Variants in LRRFIP2 observed in about 807,000 individuals in gnomAD.
LRRFIP2 encodes LRR binding FLII interacting protein 2, also known as leucine-rich repeat flightless-interacting protein 2.
Under a neutral mutation model 125.9 loss-of-function variants are expected in LRRFIP2, and 109 were observed. The ratio of observed to expected loss-of-function variants is 0.87; its 90% confidence interval spans 0.74 to 1.01. The LOEUF (loss-of-function observed/expected upper bound fraction) is 1.01, where lower values mean the gene tolerates loss of function less well. Ranked by LOEUF, LRRFIP2 falls within the 50% of genes least tolerant of loss-of-function variation. The probability of loss-of-function intolerance (pLI) is 0.00; values close to 1 mark genes in which losing one functional copy is unlikely to be tolerated. For synonymous variants in LRRFIP2, 291 were observed against 293.1 expected, an observed-to-expected ratio of 0.99 and a Z score of 0.07; for missense variants, 850 against 862.3, an observed-to-expected ratio of 0.99 and a Z score of 0.18.
rs527627116 is a variant in LRRFIP2, at chr3:37,129,100, T to C, written c.140A>G (p.Asp47Gly). 143 of 1,614,154 alleles carry C rather than the reference T, an allele frequency of 8.9e-5. No homozygotes were observed. In the East Asian group the frequency reaches 2.8e-3, roughly 31 times the overall value. ...TCGTTCCAGTTCTCTCATGCGTATATCTCTTGCTTCTGCCCGGGCAGCCCG... is the reference window on the plus strand; with the variant it reads ...TCGTTCCAGTTCTCTCATGCGTATACCTCTTGCTTCTGCCCGGGCAGCCCG... ...AKRAARAEARDIRMRELERQQ... is the reference protein window; with the variant it reads ...AKRAARAEARGIRMRELERQQ... Residue 47 changes from aspartate (D) to glycine (G), a missense_variant, in exon 3 of 28, where the codon GAT becomes GGT. Transcript: ENST00000336686.
Position 37,094,868 on chromosome 3 carries a change from C to CT in LRRFIP2, c.958dup (p.Ser320LysfsTer24), listed in dbSNP as rs1262015178. ...ACTTCCTCGTCTGGATGAGTTTCCA[C>CT]TTAGAGGGGTTGTTGCTGAGGCAGA... On this transcript the variant is annotated frameshift_variant, in exon 17 of 28. Transcript: ENST00000336686. LOFTEE classifies it high-confidence loss of function. 1 of 1,613,758 alleles carries CT rather than the reference C, an allele frequency of 6.2e-7. No homozygotes were observed. Among genetic ancestry groups the CT allele is most frequent in the Non-Finnish European group, 8.5e-7 (1 of 1,179,848 alleles).
chr3:37,109,271 A>G (rs1394146322), intron 11 of LRRFIP2, among the ~76,000 whole-genome samples: 5 of 152,348 alleles, frequency 3.3e-5, no homozygotes, highest in Admixed American at 6.5e-5. Context: ...GTAGGACTCA[A>G]GCAAATCTAT....
chr3:37,093,777 T>G (rs1003053204), intron 17 of LRRFIP2, among the ~76,000 whole-genome samples: 1 of 152,232 alleles, frequency 6.6e-6, no homozygotes, highest in African/African-American at 2.4e-5. Flanking sequence ...CCCTCACTAC[T>G]TTTCCAGCCT....
At chr3:37,156,701 A>AAAAAG (rs2096209705) in intron 1 of LRRFIP2, among the ~76,000 whole-genome samples, 1 of 149,036 alleles carries the variant, frequency 6.7e-6, no homozygotes, top group African/African-American at 2.5e-5. Context: ...AAAAAAAAAA[A>AAAAAG]AAGAAGTGTG....
At chr3:37,068,056 T>A (rs1239780283) in intron 21 of LRRFIP2, 2 of 152,248 alleles carry the variant, frequency 1.3e-5, no homozygotes, top group South Asian at 2.1e-4. Context: ...ATGATGTGTC[T>A]CAAGTCTGCC....
intron 2 of LRRFIP2, among the ~76,000 whole-genome samples, chr3:37,132,191 A>C (rs1265802070): frequency 2.6e-5 from 4 of 152,116 alleles, no homozygotes. Context: ...GTAGATAGCA[A>C]ATGTATTTTA....
At chr3:37,108,559 T>G (rs2094434609) in intron 12 of LRRFIP2, 78 bp downstream of exon 12, 3 of 1,194,346 alleles carry the variant, frequency 2.5e-6, no homozygotes, top group Non-Finnish European at 3.6e-6. Flanking sequence ...TTTATTAATT[T>G]TTGACTTTTT....
chr3:37,094,138 G>T (rs1188541251), intron 17 of LRRFIP2, among the ~76,000 whole-genome samples: 1 of 152,078 alleles, frequency 6.6e-6, no homozygotes, highest in Non-Finnish European at 1.5e-5. Flanking sequence ...AACATATTTT[G>T]CCTCTTAAAT....
Position 37,054,486 on chromosome 3 carries a change from T to C in LRRFIP2, c.1980A>G (p.Arg660=), listed in dbSNP as rs373378739. The change falls in exon 27 of 28, where the codon AGA becomes AGG. Residue 660 remains arginine (R), a synonymous_variant. Transcript: ENST00000336686. The part of the protein sequence containing the change: ...SISRLEGQVL[R]YKTAAENAEK... ...CAGCATTCTCAGCAGCAGTTTTATA[T>C]CTCAGAACCTGTCCCTCAAGCCGGC... 3 of 1,613,910 alleles carry C rather than the reference T, an allele frequency of 1.9e-6. No individual in the cohort carries two copies. The highest frequency in any genetic ancestry group is 4.5e-5 in the East Asian group (2 of 44,892).
intron 9 of LRRFIP2, among the ~76,000 whole-genome samples, chr3:37,110,168 C>T (rs1465255379): frequency 6.6e-6 from 1 of 152,182 alleles, no homozygotes; most frequent in East Asian, 1.9e-4. Flanking sequence ...GTTATCTCTA[C>T]AAACACTCTT....
chr3:37,136,388 T>C (rs2095555606), intron 2 of LRRFIP2, among the ~76,000 whole-genome samples: 1 of 152,188 alleles, frequency 6.6e-6, no homozygotes. Flanking sequence ...TGTGAATATA[T>C]TAAAAACTAC....
At chr3:37,129,955 T>A (rs541829460) in intron 2 of LRRFIP2, among the ~76,000 whole-genome samples, 4 of 152,182 alleles carry the variant, frequency 2.6e-5, no homozygotes, top group Non-Finnish European at 5.9e-5. Flanking sequence ...ATCATGCCAC[T>A]GCACTGCAGC....
chr3:37,156,990 G>A (rs1320243880), intron 1 of LRRFIP2, among the ~76,000 whole-genome samples: 3 of 151,774 alleles, frequency 2.0e-5, no homozygotes, highest in Non-Finnish European at 4.4e-5. Flanking sequence ...TTAGCTGGGC[G>A]TGGTGGCACA....
chr3:37,135,295 C>T (rs924573401), intron 2 of LRRFIP2, among the ~76,000 whole-genome samples: 2 of 151,868 alleles, frequency 1.3e-5, no homozygotes, highest in Admixed American at 1.3e-4. Context: ...CCTGTCTCTA[C>T]TAAAAATACA....
chr3:37,098,099 T>C (rs1002022174), intron 15 of LRRFIP2, among the ~76,000 whole-genome samples: 1 of 129,756 alleles, frequency 7.7e-6, no homozygotes, highest in Admixed American at 8.0e-5. Flanking sequence ...CACTTATGTT[T>C]ATAAATATTC....
chr3:37,065,606 T>C (rs2089966670), intron 23 of LRRFIP2: 7 of 702,522 alleles, frequency 1.0e-5, no homozygotes, highest in African/African-American at 1.7e-5. Flanking sequence ...GTTACACTTA[T>C]TGCCTTACAG....
At chr3:37,166,131 G>A (rs1261342842) in intron 1 of LRRFIP2, among the ~76,000 whole-genome samples, 1 of 151,814 alleles carries the variant, frequency 6.6e-6, no homozygotes, top group East Asian at 1.9e-4. Context: ...GGAGTTCAAG[G>A]CCAGCCTGGC....
At chr3:37,158,210 T>C (rs771081179) in intron 1 of LRRFIP2, among the ~76,000 whole-genome samples, 3 of 152,242 alleles carry the variant, frequency 2.0e-5, no homozygotes, top group Non-Finnish European at 2.9e-5. Flanking sequence ...GCCTCCTTTC[T>C]TGATACCTTT....
At chr3:37,083,086 G>A (rs887584606) in intron 19 of LRRFIP2, among the ~76,000 whole-genome samples, 1 of 152,038 alleles carries the variant, frequency 6.6e-6, no homozygotes, top group Admixed American at 6.6e-5. Flanking sequence ...TCTGGGCCTT[G>A]GACAATGCGT....
Sources: allele counts gnomAD v4.1 joint callset (sites outside exome capture counted in the v4.1 genomes callset), GRCh38; gene constraint gnomAD v4.1.1; transcripts MANE v1.5; gene names NCBI Gene and HGNC (gene_info 2026-07-23, HGNC 2026-07-21).